The following BAZ1A variants were observed in gnomAD, a reference collection of about 807,000 sequenced individuals.
The protein encoded by BAZ1A is bromodomain adjacent to zinc finger domain protein 1A.
In BAZ1A, 50 loss-of-function variants were observed where a neutral mutation model predicts 185.2. The observed-to-expected ratio is 0.27, with a 90% CI of 0.22 to 0.34. The LOEUF is 0.34. BAZ1A is among the 10% of genes least tolerant of loss of function. The probability of loss-of-function intolerance (pLI) is 1.00; values close to 1 mark genes in which losing one functional copy is unlikely to be tolerated. For synonymous variants in BAZ1A, 571 were observed against 615.6 expected, an observed-to-expected ratio of 0.93 and a Z score of 1.07; for missense variants, 1,356 against 1,839.9, an observed-to-expected ratio of 0.74 and a Z score of 4.81.
intron 4 of BAZ1A, among the ~76,000 whole-genome samples, chr14:34,825,447 C>CAAAAAAAAA (rs35449855): frequency 0.015 from 824 of 55,392 alleles, 57 homozygotes; most frequent in Non-Finnish European, 0.022. Flanking sequence ...AACTCTGTCT[C>CAAAAAAAAA]AAAAAAAAAA....
intron 10 of BAZ1A, 92 bp downstream of exon 10, chr14:34,795,578 A>G: frequency 1.3e-6 from 1 of 795,724 alleles, no homozygotes; most frequent in Non-Finnish European, 1.9e-6. Context: ...TAAAGAGAAG[A>G]GGCTGCTATT....
At chr14:34,872,388 G>A (rs1257754082) in intron 2 of BAZ1A, among the ~76,000 whole-genome samples, 1 of 152,066 alleles carries the variant, frequency 6.6e-6, no homozygotes, top group Non-Finnish European at 1.5e-5. Flanking sequence ...CTTGAACTCA[G>A]GAGTTCAAGA....
rs527485678 is a variant in BAZ1A, at chr14:34,873,809, G to C, written c.113+683C>G. On this transcript the variant is annotated intron_variant, in intron 2 of 26. Transcript: ENST00000360310. The stretch of plus-strand genomic sequence containing the variant: ...GTCACCAAGAAGAGGCGGTGACAGA[G>C]AGCGCGGCTCGCGTCGCACTCCGAG... 2.4e-4 allele frequency among the ~76,000 whole-genome samples: 36 copies of C among 152,330 alleles called. No individual in the cohort carries two copies. The East Asian group carries it at 5.0e-3, about 21-fold the overall frequency.
intron 17 of BAZ1A, among the ~76,000 whole-genome samples, chr14:34,779,725 G>A (rs1316016203): frequency 6.6e-6 from 1 of 152,126 alleles, no homozygotes; most frequent in African/African-American, 2.4e-5. Context: ...AGGCAGGAGA[G>A]ATTACCATTT....
chr14:34,825,447 C>CAAAAAAAA (rs35449855), intron 4 of BAZ1A, among the ~76,000 whole-genome samples: 1,070 of 55,400 alleles, frequency 0.019, 142 homozygotes, highest in Non-Finnish European at 0.028. Flanking sequence ...AACTCTGTCT[C>CAAAAAAAA]AAAAAAAAAA....
At chr14:34,798,261 G>C (rs1416700911) in intron 9 of BAZ1A, among the ~76,000 whole-genome samples, 1 of 152,262 alleles carries the variant, frequency 6.6e-6, no homozygotes. Context: ...ACACCGCTGG[G>C]GGCAGGGTGT....
intron 9 of BAZ1A, among the ~76,000 whole-genome samples, chr14:34,799,847 T>C (rs998139264): frequency 1.3e-5 from 2 of 152,114 alleles, no homozygotes; most frequent in Middle Eastern, 3.2e-3. Context: ...CCTGACCTCA[T>C]GATCTGCCTG....
chr14:34,763,717 G>C (rs143170068), intron 23 of BAZ1A, among the ~76,000 whole-genome samples: 1 of 152,274 alleles, frequency 6.6e-6, no homozygotes, highest in East Asian at 1.9e-4. Flanking sequence ...CTCTCTGTCA[G>C]ATGATTGTTA....
chr14:34,874,836 C>T lies in BAZ1A; in HGVS notation c.-58-174G>A. 3 of 432,866 alleles carry T rather than the reference C, an allele frequency of 6.9e-6. No homozygotes were observed. Among genetic ancestry groups the T allele is most frequent in the Non-Finnish European group, 1.2e-5 (3 of 244,714 alleles). The allele number at this position is 432,866 out of a possible 1,614,324, so 26.8% of individuals were successfully genotyped here. A position where few individuals can be genotyped will look rare whatever the true frequency, so the allele number is the denominator to read the frequency against. ...TGCCCGGGTGTCGAGCGAGCGGAGC[C>T]GCCGCCGCCCCTGCCCCCCGAGCGC... On this transcript the variant is annotated intron_variant, in intron 1 of 26. Coordinates refer to ENST00000360310, the MANE Select transcript of BAZ1A (RefSeq NM_013448.3). This position sits in a 1 kb window ranked among gnomAD's most constrained non-coding sequence, Gnocchi z 4.7.
chr14:34,800,617 GC>G (rs1436978850), intron 8 of BAZ1A, among the ~76,000 whole-genome samples: 1 of 152,128 alleles, frequency 6.6e-6, no homozygotes, highest in Non-Finnish European at 1.5e-5. Context: ...GCCTTTGAAA[GC>G]CCTAATACCC....
At chr14:34,834,845 C>G (rs1179877974) in intron 3 of BAZ1A, among the ~76,000 whole-genome samples, 1 of 152,054 alleles carries the variant, frequency 6.6e-6, no homozygotes. Context: ...TGAATTAAGA[C>G]CCAGCTAGAG....
chr14:34,834,395 T>C (rs1384877983), intron 3 of BAZ1A, among the ~76,000 whole-genome samples: 2 of 152,120 alleles, frequency 1.3e-5, no homozygotes, highest in African/African-American at 4.8e-5. Context: ...ATGTGAGGCC[T>C]AAAGTGGTCT....
intron 3 of BAZ1A, among the ~76,000 whole-genome samples, chr14:34,856,203 T>C (rs1201844991): frequency 6.6e-6 from 1 of 152,270 alleles, no homozygotes; most frequent in Non-Finnish European, 1.5e-5. Context: ...ACACTGAACT[T>C]GGATGCTCTT....
chr14:34,759,261 A>C (rs1886420425), intron 24 of BAZ1A, among the ~76,000 whole-genome samples: 1 of 140,246 alleles, frequency 7.1e-6, no homozygotes, highest in Non-Finnish European at 1.5e-5. Flanking sequence ...GCTCACTGAA[A>C]GCTCCGCCTC....
intron 24 of BAZ1A, among the ~76,000 whole-genome samples, chr14:34,759,184 T>TTTTTTTTGTTTTG (rs1886409665): frequency 6.9e-4 from 75 of 108,104 alleles, no homozygotes; most frequent in Non-Finnish European, 3.9e-4. Flanking sequence ...TTTTTTTTTT[T>TTTTTTTTGTTTTG]TTTTTTTTTT....
chr14:34,828,414 C>T (rs1594881781), intron 3 of BAZ1A: 1 of 152,082 alleles, frequency 6.6e-6, no homozygotes, highest in African/African-American at 2.4e-5. Context: ...TTCTTTACTT[C>T]CTGCCTTGAA....
At chr14:34,814,033 A>G (rs889466123) in intron 4 of BAZ1A, among the ~76,000 whole-genome samples, 3 of 145,686 alleles carry the variant, frequency 2.1e-5, no homozygotes, top group Admixed American at 6.9e-5. Flanking sequence ...ACAGAGCAAG[A>G]GTCTGTATCA....
intron 3 of BAZ1A, 86 bp downstream of exon 3, chr14:34,861,958 T>C: frequency 1.4e-6 from 2 of 1,453,950 alleles, no homozygotes; most frequent in South Asian, 2.6e-5. Flanking sequence ...AAAGGGAAGA[T>C]TTCCTTAGGT....
At chr14:34,770,019 A>G (rs1270157914) in intron 21 of BAZ1A, among the ~76,000 whole-genome samples, 1 of 152,252 alleles carries the variant, frequency 6.6e-6, no homozygotes, top group Non-Finnish European at 1.5e-5. Flanking sequence ...ATCAATTTAC[A>G]ACAGTGTGAA....
Sources: allele counts gnomAD v4.1 joint callset (sites outside exome capture counted in the v4.1 genomes callset), GRCh38; gene constraint gnomAD v4.1.1; non-coding constraint Gnocchi (gnomAD v3.1); transcripts MANE v1.5; gene names NCBI Gene and HGNC (gene_info 2026-07-23, HGNC 2026-07-21).